Variants in B3GLCT observed in about 807,000 individuals in gnomAD.
B3GLCT encodes the protein beta-1,3-glucosyltransferase.
A neutral mutation model predicts 63.4 loss-of-function variants in B3GLCT; 65 were observed. The ratio of observed to expected loss-of-function variants is 1.03; its 90% CI spans 0.84 to 1.26. B3GLCT has a LOEUF of 1.26. B3GLCT is among the 50% of genes most tolerant of loss of function. The probability of loss-of-function intolerance (pLI) is 0.00; values close to 1 mark genes in which losing one functional copy is unlikely to be tolerated. For missense variants in B3GLCT, 577 were observed against 604.8 expected (o/e 0.95, Z 0.48); for synonymous variants, 233 against 219.2 (o/e 1.06, Z -0.55).
At chr13:31,256,864 A>G (rs529295634) in intron 6 of B3GLCT, among the ~76,000 whole-genome samples, 8 of 152,198 alleles carry the variant, frequency 5.3e-5, no homozygotes, top group Middle Eastern at 3.4e-3. Flanking sequence ...TGGCACATGT[A>G]TATCTATGTA....
At chr13:31,268,537 C>CATGAGTTTGGTGTTT (rs1456152722) in intron 7 of B3GLCT, among the ~76,000 whole-genome samples, 3 of 152,140 alleles carry the variant, frequency 2.0e-5, no homozygotes, top group Non-Finnish European at 4.4e-5. Flanking sequence ...AGAAGATACC[C>CATGAGTTTGGTGTTT]ATGAGTTTGG....
intron 1 of B3GLCT, among the ~76,000 whole-genome samples, chr13:31,202,162 T>C (rs1868704660): frequency 6.6e-6 from 1 of 152,208 alleles, no homozygotes; most frequent in Admixed American, 6.5e-5. Context: ...AATATTCCCA[T>C]ATAAGATTGG....
At chr13:31,277,481 A>G (rs1593292209) in intron 10 of B3GLCT, among the ~76,000 whole-genome samples, 1 of 151,984 alleles carries the variant, frequency 6.6e-6, no homozygotes, top group East Asian at 1.9e-4. Flanking sequence ...ATTGAAAATT[A>G]GGCAGTCTTT....
At chr13:31,222,735 C>T (rs1566047218) in intron 2 of B3GLCT, among the ~76,000 whole-genome samples, 1 of 152,184 alleles carries the variant, frequency 6.6e-6, no homozygotes, top group African/African-American at 2.4e-5. Context: ...AGGGCACAGC[C>T]CCAACTAAGA....
At chr13:31,233,278 T>G (rs1251804058) in intron 4 of B3GLCT, among the ~76,000 whole-genome samples, 1 of 152,128 alleles carries the variant, frequency 6.6e-6, no homozygotes, top group Non-Finnish European at 1.5e-5. Context: ...GAAAAAAAAT[T>G]AGGTATGAGT....
At chr13:31,295,410 C>T (rs1225861715) in intron 12 of B3GLCT, among the ~76,000 whole-genome samples, 1 of 152,076 alleles carries the variant, frequency 6.6e-6, no homozygotes, top group Non-Finnish European at 1.5e-5. Context: ...TGAAGCTGTG[C>T]CCACTGCCAC....
intron 2 of B3GLCT, among the ~76,000 whole-genome samples, chr13:31,222,735 C>CCCAA (rs1247067919): frequency 2.6e-5 from 4 of 152,184 alleles, no homozygotes; most frequent in Non-Finnish European, 5.9e-5. Context: ...AGGGCACAGC[C>CCCAA]CCAACTAAGA....
At chr13:31,244,363 A>C (rs1871096125) in intron 4 of B3GLCT, among the ~76,000 whole-genome samples, 2 of 151,954 alleles carry the variant, frequency 1.3e-5, no homozygotes, top group Non-Finnish European at 1.5e-5. Context: ...GTGGTGGTGC[A>C]CCCCTGTAAT....
At chr13:31,211,277 C>T (rs1213774443) in intron 1 of B3GLCT, among the ~76,000 whole-genome samples, 1 of 152,074 alleles carries the variant, frequency 6.6e-6, no homozygotes, top group African/African-American at 2.4e-5. Context: ...TGCCTGTAAC[C>T]CCAGCTACTC....
intron 4 of B3GLCT, among the ~76,000 whole-genome samples, chr13:31,241,492 G>A (rs368584059): frequency 1.8e-4 from 27 of 152,096 alleles, no homozygotes; most frequent in African/African-American, 6.5e-4. Context: ...CAGGGTGTAG[G>A]TCACTGTAGA....
intron 4 of B3GLCT, among the ~76,000 whole-genome samples, 157 bp downstream of exon 4, chr13:31,229,451 A>G (rs1195801560): frequency 6.6e-6 from 1 of 152,186 alleles, no homozygotes; most frequent in African/African-American, 2.4e-5. Context: ...TTGTTGTTGA[A>G]AATGTTTCGG....
At chr13:31,224,737 T>C (rs1417045900) in intron 3 of B3GLCT, among the ~76,000 whole-genome samples, 1 of 152,160 alleles carries the variant, frequency 6.6e-6, no homozygotes, top group Non-Finnish European at 1.5e-5. Flanking sequence ...TGTTTGTGGG[T>C]GTGTGTGTAT....
intron 4 of B3GLCT, among the ~76,000 whole-genome samples, chr13:31,232,003 G>T (rs117804051): frequency 6.6e-6 from 1 of 152,308 alleles, no homozygotes; most frequent in Non-Finnish European, 1.5e-5. Flanking sequence ...TTTGGTGTCT[G>T]TCAGGATTGA....
At chr13:31,250,839 C>G (rs1044085238) in intron 6 of B3GLCT, among the ~76,000 whole-genome samples, 3 of 152,238 alleles carry the variant, frequency 2.0e-5, no homozygotes, top group Non-Finnish European at 4.4e-5. Context: ...CAGCGGATCT[C>G]TCAGCACAGT....
chr13:31,244,419 G>C (rs2137800465), intron 4 of B3GLCT, among the ~76,000 whole-genome samples: 1 of 152,274 alleles, frequency 6.6e-6, no homozygotes, highest in South Asian at 2.1e-4. Flanking sequence ...TTGAACCTGG[G>C]AGGCAGAGGT....
At position 31,308,593 on chromosome 13, in the gene B3GLCT, T is replaced by G. The variant is rs750836172; in HGVS notation, c.1065-8973T>G. Among the ~76,000 whole-genome samples, 194 of 152,198 alleles carry G rather than the reference T, an allele frequency of 1.3e-3. 2 individuals are homozygous for G. Among genetic ancestry groups the G allele is most frequent in the Non-Finnish European group, 2.2e-3 (153 of 68,006 alleles). On this transcript the variant is annotated intron_variant, in intron 12 of 14. Coordinates refer to ENST00000343307, the MANE Select transcript of B3GLCT (RefSeq NM_194318.4). ...CAATTGTTCAGCATTGAGTTGTGGGTCCTGCATCAAACCAAACATGCTCTT... is the reference window on the plus strand; with the variant it reads ...CAATTGTTCAGCATTGAGTTGTGGGGCCTGCATCAAACCAAACATGCTCTT...
intron 8 of B3GLCT, among the ~76,000 whole-genome samples, chr13:31,272,470 C>G (rs1281519253): frequency 6.6e-6 from 1 of 152,094 alleles, no homozygotes; most frequent in African/African-American, 2.4e-5. Context: ...CCCACCTTGG[C>G]CTCCCAAAGT....
intron 8 of B3GLCT, among the ~76,000 whole-genome samples, chr13:31,272,294 C>T (rs1311375493): frequency 6.7e-6 from 1 of 150,116 alleles, no homozygotes; most frequent in Non-Finnish European, 1.5e-5. Context: ...TGGCTTACTG[C>T]AACCTCCACA....
In B3GLCT at chr13:31,284,636, T is replaced by C. The variant is rs1873227328; in HGVS notation, c.851-12T>C. 4 of 1,467,790 alleles carry C rather than the reference T, an allele frequency of 2.7e-6. No individual in the cohort carries two copies. The highest frequency in any genetic ancestry group is 1.7e-4 in the Middle Eastern group (1 of 5,816). The allele number at this position is 1,467,790 out of a possible 1,614,324, so 90.9% of individuals were successfully genotyped here. ...ACTGTGCCAGTGATTGTCACCTCTGTAATTTTTTCAGTACCTATTGTTAAG... is the reference window on the plus strand; with the variant it reads ...ACTGTGCCAGTGATTGTCACCTCTGCAATTTTTTCAGTACCTATTGTTAAG... On this transcript the variant is annotated splice_polypyrimidine_tract_variant and intron_variant, in intron 10 of 14. Transcript: ENST00000343307.
Sources: gnomAD v4.1 joint callset for allele counts (sites outside exome capture counted in the v4.1 genomes callset) on GRCh38, gnomAD v4.1.1 for gene constraint, MANE v1.5 for transcripts, NCBI Gene and HGNC (gene_info 2026-07-23, HGNC 2026-07-21) for gene names.